Variants in ITGA9 observed in about 807,000 individuals in gnomAD.
The protein encoded by ITGA9 is integrin subunit alpha 9.
ITGA9 carries 56 observed loss-of-function variants against 127.8 expected under a neutral mutation model. The observed-to-expected ratio is 0.44, with a 90% confidence interval of 0.35 to 0.55. The LOEUF (loss-of-function observed/expected upper bound fraction) is 0.55, where lower values mean the gene tolerates loss of function less well. ITGA9 is among the 20% of genes least tolerant of loss of function. The pLI is 0.00. For missense variants in ITGA9, 1,196 were observed against 1,347.1 expected (o/e 0.89, Z 1.76); for synonymous variants, 508 against 514.5 (o/e 0.99, Z 0.17).
chr3:37,628,290 C>G (rs1700196547), intron 15 of ITGA9, among the ~76,000 whole-genome samples: 1 of 152,168 alleles, frequency 6.6e-6, no homozygotes, highest in South Asian at 2.1e-4. Flanking sequence ...CTCACTGTCT[C>G]AGAATGTGGG....
chr3:37,519,151 C>T, intron 10 of ITGA9, 109 bp from the exon 11 acceptor site: 1 of 758,640 alleles, frequency 1.3e-6, no homozygotes, highest in Non-Finnish European at 2.3e-6. Context: ...CAATCAACAA[C>T]CAATAATTTC....
Position 37,642,912 on chromosome 3 carries a change from G to A in ITGA9, c.1840-10802G>A, listed in dbSNP as rs186241103. Reference sequence around the variant, plus strand: ...ACTGTTTGCACAGCCTGGACATTAGGTAATAGTTTCCCGGCTGAGGTGCCC... The same window carrying A: ...ACTGTTTGCACAGCCTGGACATTAGATAATAGTTTCCCGGCTGAGGTGCCC... On this transcript the variant is annotated intron_variant, in intron 16 of 27. Coordinates refer to ENST00000264741, the MANE Select transcript of ITGA9 (RefSeq NM_002207.3). Among the ~76,000 whole-genome samples the A allele has an allele frequency of 8.5e-5, 13 of 152,332 alleles. No homozygotes were observed. The East Asian group carries it at 2.5e-3, about 29-fold the overall frequency.
chr3:37,657,200 C>G (rs936656239), intron 17 of ITGA9, among the ~76,000 whole-genome samples: 1 of 152,118 alleles, frequency 6.6e-6, no homozygotes, highest in Non-Finnish European at 1.5e-5. Context: ...TGATGCTGGC[C>G]TCATAAAATG....
At chr3:37,771,032 G>A (rs1186599122) in intron 23 of ITGA9, among the ~76,000 whole-genome samples, 2 of 152,186 alleles carry the variant, frequency 1.3e-5, no homozygotes, top group South Asian at 2.1e-4. Flanking sequence ...GGTGCCTGGT[G>A]AAGTCCTTTT....
intron 15 of ITGA9, among the ~76,000 whole-genome samples, chr3:37,608,637 AGTTCTTG>A (rs1699990539): frequency 1.3e-5 from 2 of 152,212 alleles, no homozygotes; most frequent in Non-Finnish European, 2.9e-5. Flanking sequence ...CTGTGTTTAA[AGTTCTTG>A]GAGACACTTC....
Position 37,512,124 on chromosome 3 carries a change from CTTTTCTTTTCT to C in ITGA9, c.898-1635_898-1625del, listed in dbSNP as rs1559524827. Among the ~76,000 whole-genome samples, 91 of 15,310 alleles carry C rather than the reference CTTTTCTTTTCT, an allele frequency of 5.9e-3. 11 individuals are homozygous for C. Among genetic ancestry groups the C allele is most frequent in the Admixed American group, 0.013 (13 of 1,038 alleles). 10.0% of individuals were successfully genotyped at this position (15,310 alleles called of 152,430 possible). ...TCCTTCCTTCCTTCCTTCCTTCTTTCTTTTCTTTTCTTTTCTTTTCTTTTCTTTTCTTTTCT... is the reference window on the plus strand; with the variant it reads ...TCCTTCCTTCCTTCCTTCCTTCTTTCTTTCTTTTCTTTTCTTTTCTTTTCT... On this transcript the variant is annotated intron_variant, in intron 8 of 27. Coordinates refer to ENST00000264741, the MANE Select transcript of ITGA9 (RefSeq NM_002207.3).
chr3:37,697,664 C>T (rs950730527), intron 18 of ITGA9, among the ~76,000 whole-genome samples: 1 of 152,156 alleles, frequency 6.6e-6, no homozygotes, highest in African/African-American at 2.4e-5. Context: ...AGGACATGAA[C>T]TCATCCCTTT....
chr3:37,735,222 A>G (rs768901726), intron 19 of ITGA9, among the ~76,000 whole-genome samples: 1 of 152,018 alleles, frequency 6.6e-6, no homozygotes, highest in Non-Finnish European at 1.5e-5. Context: ...TGTGCTCTTT[A>G]ATGTTTTTAA....
chr3:37,801,049 C>T (rs1178790716), intron 26 of ITGA9, among the ~76,000 whole-genome samples: 1 of 152,188 alleles, frequency 6.6e-6, no homozygotes, highest in Non-Finnish European at 1.5e-5. Flanking sequence ...CCTGTAATCC[C>T]AGCTTCTTGG....
At chr3:37,627,456 G>A (rs1303141642) in intron 15 of ITGA9, among the ~76,000 whole-genome samples, 2 of 151,986 alleles carry the variant, frequency 1.3e-5, no homozygotes, top group Middle Eastern at 3.4e-3. Flanking sequence ...CTCTCCCCCC[G>A]CAGCCCCGAG....
intron 15 of ITGA9, among the ~76,000 whole-genome samples, chr3:37,563,308 G>T (rs1699512609): frequency 6.6e-6 from 1 of 152,184 alleles, no homozygotes; most frequent in Non-Finnish European, 1.5e-5. Flanking sequence ...GGTCACATGA[G>T]ATTGCCTATC....
intron 17 of ITGA9, among the ~76,000 whole-genome samples, chr3:37,674,490 C>T (rs1057253443): frequency 6.6e-6 from 1 of 152,198 alleles, no homozygotes; most frequent in African/African-American, 2.4e-5. Context: ...ATATCTTCTT[C>T]AGTTGGTCCC....
chr3:37,573,580 C>CGT (rs544511645), intron 15 of ITGA9, among the ~76,000 whole-genome samples: 276 of 152,256 alleles, frequency 1.8e-3, no homozygotes, highest in Non-Finnish European at 2.1e-3. Flanking sequence ...AGAACACCTA[C>CGT]GTGTGGCCTC....
chr3:37,582,117 A>G (rs1575157195), intron 15 of ITGA9, among the ~76,000 whole-genome samples: 2 of 152,226 alleles, frequency 1.3e-5, no homozygotes, highest in Non-Finnish European at 2.9e-5. Flanking sequence ...TTTTATGAGT[A>G]TATTCCTAAT....
chr3:37,672,108 G>A (rs1418645165), intron 17 of ITGA9, among the ~76,000 whole-genome samples: 2 of 152,158 alleles, frequency 1.3e-5, no homozygotes, highest in Non-Finnish European at 2.9e-5. Flanking sequence ...GGGTTCAGCT[G>A]GAGCTGGGCC....
chr3:37,560,404 A>G (rs965035076), intron 15 of ITGA9, among the ~76,000 whole-genome samples: 14 of 152,214 alleles, frequency 9.2e-5, no homozygotes, highest in Admixed American at 3.9e-4. Context: ...GAGTGCTCCA[A>G]TAAACATATG....
chr3:37,631,704 C>T (rs1057459596), intron 16 of ITGA9, among the ~76,000 whole-genome samples: 2 of 152,170 alleles, frequency 1.3e-5, no homozygotes, highest in Non-Finnish European at 2.9e-5. Flanking sequence ...CAGCCACAGC[C>T]AGGCCAACAG....
Position 37,779,609 on chromosome 3 carries a change from A to T in ITGA9, c.2668-293A>T, listed in dbSNP as rs1047262672. 3.5e-5 allele frequency among the ~76,000 whole-genome samples: 5 copies of T among 141,336 alleles called. No homozygotes were observed. The South Asian group carries it at 8.6e-4, about 24-fold the overall frequency. 92.7% of individuals were successfully genotyped at this position (141,336 alleles called of 152,430 possible). A position where few individuals can be genotyped will look rare whatever the true frequency, so the allele number is the denominator to read the frequency against. On this transcript the variant is annotated intron_variant, in intron 24 of 27. Coordinates refer to ENST00000264741, the MANE Select transcript of ITGA9 (RefSeq NM_002207.3). ...ATGCAAAATTTAAGTTTGTGGGTTT[A>T]AAAAAAAAAACAATTATTTCTCTTT...
At chr3:37,766,193 A>T (rs1696778347) in intron 23 of ITGA9, among the ~76,000 whole-genome samples, 1 of 152,224 alleles carries the variant, frequency 6.6e-6, no homozygotes, top group Non-Finnish European at 1.5e-5. Context: ...ATGCTTCGGA[A>T]GCGCAAAAAC....
Sources: allele counts gnomAD v4.1 joint callset (sites outside exome capture counted in the v4.1 genomes callset), GRCh38; gene constraint gnomAD v4.1.1; transcripts MANE v1.5; gene names NCBI Gene and HGNC (gene_info 2026-07-23, HGNC 2026-07-21).